The following ATP8A2 variants were observed in gnomAD, a reference collection of about 807,000 sequenced individuals.
ATP8A2 encodes the protein ATPase phospholipid transporting 8A2.
ATP8A2 carries 100 observed loss-of-function variants against 165.6 expected under a neutral mutation model. The observed-to-expected ratio is 0.60, with a 90% CI of 0.51 to 0.71. ATP8A2 has a LOEUF of 0.71. Ranked by LOEUF, ATP8A2 falls within the 30% of genes least tolerant of loss-of-function variation. The pLI is 0.00. For missense variants in ATP8A2, 1,227 were observed against 1,479.5 expected (o/e 0.83, Z 2.80); for synonymous variants, 543 against 548.8 (o/e 0.99, Z 0.15).
chr13:25,468,162 T>C (rs142004165), intron 1 of ATP8A2, among the ~76,000 whole-genome samples: 10 of 152,216 alleles, frequency 6.6e-5, no homozygotes, highest in African/African-American at 2.4e-4. Context: ...GTGAAGGTTA[T>C]TGGGGGGCAG....
chr13:25,672,804 G>A (rs548705210), intron 24 of ATP8A2, among the ~76,000 whole-genome samples: 2 of 152,266 alleles, frequency 1.3e-5, no homozygotes, highest in African/African-American at 4.8e-5. Context: ...TCCCTTGCAT[G>A]TGATAGCTAT....
chr13:25,771,774 G>A (rs2044624958), intron 26 of ATP8A2, among the ~76,000 whole-genome samples: 1 of 152,136 alleles, frequency 6.6e-6, no homozygotes, highest in African/African-American at 2.4e-5. Context: ...TTCAGGGCAG[G>A]TTCCTGCTAA....
chr13:25,508,292 C>T (rs1041334921), intron 2 of ATP8A2, among the ~76,000 whole-genome samples: 2 of 152,178 alleles, frequency 1.3e-5, no homozygotes, highest in Admixed American at 6.5e-5. Context: ...TTTTTAACAA[C>T]CACATGACCC....
intron 34 of ATP8A2, among the ~76,000 whole-genome samples, chr13:25,962,901 T>C (rs1205335006): frequency 2.0e-5 from 3 of 152,176 alleles, no homozygotes; most frequent in African/African-American, 7.2e-5. Context: ...ACATGGATTT[T>C]CTTTTTTTTT....
intron 24 of ATP8A2, 64 bp from the exon 25 acceptor site, chr13:25,699,109 T>G: frequency 7.8e-7 from 1 of 1,279,372 alleles, no homozygotes; most frequent in South Asian, 1.8e-5. Flanking sequence ...TAATTTTGAA[T>G]TCTATTTTGT....
At chr13:25,473,790 G>A (rs1015857479) in intron 2 of ATP8A2, among the ~76,000 whole-genome samples, 1 of 151,824 alleles carries the variant, frequency 6.6e-6, no homozygotes, top group Non-Finnish European at 1.5e-5. Flanking sequence ...AATATTAAAT[G>A]CTTACAAAAG....
At chr13:25,374,516 G>A (rs1011369476) in intron 1 of ATP8A2, among the ~76,000 whole-genome samples, 1 of 152,146 alleles carries the variant, frequency 6.6e-6, no homozygotes, top group Non-Finnish European at 1.5e-5. Flanking sequence ...ACAGTCTGAC[G>A]GCATGAACAT....
intron 15 of ATP8A2, among the ~76,000 whole-genome samples, chr13:25,563,585 A>G (rs1218062404): frequency 2.6e-5 from 4 of 152,140 alleles, no homozygotes; most frequent in Admixed American, 6.5e-5. Flanking sequence ...ATACAGTGCA[A>G]TATTTACTCT....
intron 10 of ATP8A2, among the ~76,000 whole-genome samples, chr13:25,550,067 G>C (rs2038772424): frequency 6.6e-6 from 1 of 152,198 alleles, no homozygotes; most frequent in African/African-American, 2.4e-5. Context: ...CACTTGGGGA[G>C]GCCGAGGAGG....
chr13:25,576,944 GGGAAAGATAGACCTTGTTCATTTTTA>G, intron 19 of ATP8A2, 99 bp from the exon 20 acceptor site: 1 of 711,690 alleles, frequency 1.4e-6, no homozygotes, highest in South Asian at 1.8e-5. Flanking sequence ...GAAAAAGGCA[GGGAAAGATAGACCTTGTTCATTTTTA>G]GGAACCCCAG....
chr13:25,948,795 A>G (rs572118455), intron 33 of ATP8A2, among the ~76,000 whole-genome samples: 1 of 152,312 alleles, frequency 6.6e-6, no homozygotes, highest in East Asian at 1.9e-4. Flanking sequence ...GAACCCAGGC[A>G]TGCTGGCTCC....
intron 1 of ATP8A2, among the ~76,000 whole-genome samples, chr13:25,384,007 G>T (rs912218387): frequency 1.3e-5 from 2 of 152,164 alleles, no homozygotes; most frequent in African/African-American, 4.8e-5. Flanking sequence ...CTTTTAGGGA[G>T]CATCTGTGAG....
At chr13:25,990,261 TAAA>T (rs3056351) in intron 35 of ATP8A2, among the ~76,000 whole-genome samples, 2 of 108,362 alleles carry the variant, frequency 1.8e-5, no homozygotes, top group Non-Finnish European at 3.7e-5. Flanking sequence ...CATGTAACTG[TAAA>T]AAAAAAAAAA....
chr13:25,511,133 T>C (rs941105411), intron 2 of ATP8A2, among the ~76,000 whole-genome samples: 1 of 152,228 alleles, frequency 6.6e-6, no homozygotes, highest in African/African-American at 2.4e-5. Context: ...CAGATTTCAG[T>C]TAATTACCTC....
intron 25 of ATP8A2, among the ~76,000 whole-genome samples, chr13:25,714,724 G>A (rs1490005849): frequency 6.6e-6 from 1 of 152,216 alleles, no homozygotes; most frequent in Non-Finnish European, 1.5e-5. Flanking sequence ...GCTGAGAACA[G>A]TGGTGATTGT....
intron 33 of ATP8A2, among the ~76,000 whole-genome samples, chr13:25,888,965 G>A (rs1217728975): frequency 1.3e-5 from 2 of 151,872 alleles, no homozygotes; most frequent in Admixed American, 6.6e-5. Flanking sequence ...TATTTCTGAA[G>A]TTCTCTTCTC....
chr13:25,931,812 C>G (rs540960607), intron 33 of ATP8A2, among the ~76,000 whole-genome samples: 2 of 151,964 alleles, frequency 1.3e-5, no homozygotes, highest in Non-Finnish European at 2.9e-5. Flanking sequence ...TTTGGGAGGC[C>G]GAGGCGGGCG....
At chr13:25,443,080 G>T (rs1332974829) in intron 1 of ATP8A2, among the ~76,000 whole-genome samples, 1 of 151,968 alleles carries the variant, frequency 6.6e-6, no homozygotes, top group Non-Finnish European at 1.5e-5. Context: ...TTCTTTTGTT[G>T]ACTGTGCCTT....
chr13:25,454,156 T>C (rs1358933222), intron 1 of ATP8A2, among the ~76,000 whole-genome samples: 1 of 152,152 alleles, frequency 6.6e-6, no homozygotes, highest in East Asian at 1.9e-4. Flanking sequence ...AACTGCGTGG[T>C]CTCTTTGCGT....
Sources: allele counts gnomAD v4.1 joint callset (sites outside exome capture counted in the v4.1 genomes callset), GRCh38; gene constraint gnomAD v4.1.1; transcripts MANE v1.5; gene names NCBI Gene and HGNC (gene_info 2026-07-23, HGNC 2026-07-21).